Variants in RTTN observed in about 807,000 individuals in gnomAD.
RTTN encodes the protein rotatin.
Under a neutral mutation model 269.2 loss-of-function variants are expected in RTTN, and 182 were observed. The ratio of observed to expected loss-of-function variants is 0.68; its 90% CI spans 0.60 to 0.76. The LOEUF (loss-of-function observed/expected upper bound fraction) is 0.76, where lower values mean the gene tolerates loss of function less well. Among genes scored for constraint, RTTN ranks in the 30% least tolerant of loss-of-function variants. The pLI is 0.00. For synonymous variants in RTTN, 1,006 were observed against 963.5 expected (o/e 1.04, Z -0.82); for missense variants, 2,545 against 2,608.6 (o/e 0.98, Z 0.53).
At chr18:70,153,226 G>A (rs1301017854) in intron 14 of RTTN, among the ~76,000 whole-genome samples, 1 of 150,322 alleles carries the variant, frequency 6.7e-6, no homozygotes. Context: ...TGTATATGCA[G>A]TGTTGTAAAC....
chr18:70,193,960 T>C lies in RTTN; in HGVS notation c.842-507A>G, dbSNP rs534893342. 1.4e-3 allele frequency among the ~76,000 whole-genome samples: 219 copies of C among 152,316 alleles called. 1 individual carries two copies. Among genetic ancestry groups the C allele is most frequent in the African/African-American group, 5.0e-3 (206 of 41,572 alleles). On this transcript the variant is annotated intron_variant, in intron 7 of 48. Coordinates refer to ENST00000640769, the MANE Select transcript of RTTN (RefSeq NM_173630.4). ...TGGACTTCATCAAAATCTAAAACTT[T>C]GGTACACCAAGGGAACATTACAAGA...
At chr18:70,144,344 C>T (rs1033637300) in intron 18 of RTTN, among the ~76,000 whole-genome samples, 15 of 152,258 alleles carry the variant, frequency 9.9e-5, no homozygotes, top group East Asian at 3.9e-4. Flanking sequence ...CTGGTATTCC[C>T]GTGGGCCTCT....
intron 28 of RTTN, 32 bp downstream of exon 28, chr18:70,109,466 G>A (rs777598297): frequency 1.3e-6 from 2 of 1,566,436 alleles, no homozygotes; most frequent in Admixed American, 1.7e-5. Context: ...GCAACTAATA[G>A]TAAATAACTA....
intron 14 of RTTN, 108 bp from the exon 15 acceptor site, chr18:70,150,841 T>A: frequency 1.2e-6 from 1 of 803,346 alleles, no homozygotes; most frequent in Non-Finnish European, 1.9e-6. Flanking sequence ...TTTTACTTCA[T>A]TGAAACTTTT....
At position 70,020,794 on chromosome 18, in the gene RTTN, T is replaced by G; in HGVS notation, c.5974A>C (p.Ser1992Arg). 1 of 1,612,792 alleles carries G rather than the reference T, an allele frequency of 6.2e-7. No individual in the cohort carries two copies. The highest frequency in any genetic ancestry group is 8.5e-7 in the Non-Finnish European group (1 of 1,179,198). ...GCTTGAACAGGGTGTTGTCCACAACTTGACCAACAAAGAGAACTGCAACCT... is the reference window on the plus strand; with the variant it reads ...GCTTGAACAGGGTGTTGTCCACAACGTGACCAACAAAGAGAACTGCAACCT... Reference protein sequence around the residue: ...PNGCSSLCWSSCGQHPVQATH... With the variant: ...PNGCSSLCWSRCGQHPVQATH... Residue 1992 changes from serine (S) to arginine (R), a missense_variant, in exon 45 of 49, where the codon AGT becomes CGT. Ser to Arg is a moderately radical substitution (Grantham distance 110, BLOSUM62 -1). Transcript: ENST00000640769.
At chr18:70,025,982 A>G (rs2056842153) in intron 43 of RTTN, among the ~76,000 whole-genome samples, 1 of 152,182 alleles carries the variant, frequency 6.6e-6, no homozygotes, top group Non-Finnish European at 1.5e-5. Context: ...GTATTCAAGT[A>G]GTTTACGTGT....
intron 4 of RTTN, among the ~76,000 whole-genome samples, chr18:70,201,560 A>T (rs2061948410): frequency 8.3e-6 from 1 of 119,898 alleles, no homozygotes; most frequent in Non-Finnish European, 1.6e-5. Context: ...GTGAGCCGAG[A>T]TCCCACCACT....
chr18:70,150,107 C>T lies in RTTN; in HGVS notation c.2056-20G>A, dbSNP rs1326922925. ...GTTCACCTGCTCAACAACACAGACCCGATAAACCAGTCAAATGAGATGTCC... is the reference window on the plus strand; with the variant it reads ...GTTCACCTGCTCAACAACACAGACCTGATAAACCAGTCAAATGAGATGTCC... On this transcript the variant is annotated intron_variant, in intron 15 of 48. Coordinates refer to ENST00000640769, the MANE Select transcript of RTTN (RefSeq NM_173630.4). 26 of 1,515,488 alleles carry T rather than the reference C, an allele frequency of 1.7e-5. No individual in the cohort carries two copies. The East Asian group carries it at 3.8e-4, about 22-fold the overall frequency. 93.9% of individuals were successfully genotyped at this position (1,515,488 alleles called of 1,614,324 possible). A position where few individuals can be genotyped will look rare whatever the true frequency, so the allele number is the denominator to read the frequency against.
chr18:70,197,848 T>A, intron 5 of RTTN, 110 bp from the exon 6 acceptor site: 2 of 688,046 alleles, frequency 2.9e-6, no homozygotes, highest in Non-Finnish European at 5.1e-6. Context: ...TCAGCTGAGA[T>A]ATCACTTCTC....
intron 48 of RTTN, among the ~76,000 whole-genome samples, chr18:70,004,798 A>G (rs938353894): frequency 5.9e-5 from 9 of 152,220 alleles, no homozygotes; most frequent in Non-Finnish European, 1.5e-5. Context: ...TTGTGACCAC[A>G]TCACAGGGAA....
In RTTN at chr18:70,127,575, ATCTGTC is replaced by A; in HGVS notation, c.3304_3309del (p.Asp1102_Arg1103del). The A allele has an allele frequency of 6.2e-7, 1 of 1,613,538 alleles. No homozygotes were observed. The highest frequency in any genetic ancestry group is 8.5e-7 in the Non-Finnish European group (1 of 1,179,716). Reference sequence around the variant, plus strand: ...GGACCAGGGCAACCCTTTAAAGACAATCTGTCATTCAGAAGATAAAAACTCATCCTG... The same window carrying A: ...GGACCAGGGCAACCCTTTAAAGACAAATTCAGAAGATAAAAACTCATCCTG... On this transcript the variant is annotated inframe_deletion, in exon 25 of 49. Transcript: ENST00000640769.
chr18:70,161,589 G>C (rs1302451443), intron 14 of RTTN, among the ~76,000 whole-genome samples: 2 of 152,088 alleles, frequency 1.3e-5, no homozygotes, highest in Non-Finnish European at 1.5e-5. Context: ...GAAAATATTT[G>C]CAAACTATGC....
intron 34 of RTTN, 120 bp from the exon 35 acceptor site, chr18:70,066,042 A>T (rs1410112652): frequency 1.9e-6 from 1 of 519,728 alleles, no homozygotes; most frequent in Non-Finnish European, 3.3e-6. Flanking sequence ...ACTAGTTAGG[A>T]TAACTAGAAA....
intron 20 of RTTN, 144 bp downstream of exon 20, chr18:70,139,955 AT>A (rs2060215409): frequency 1.1e-4 from 73 of 684,436 alleles, no homozygotes; most frequent in Non-Finnish European, 1.2e-4. Flanking sequence ...CACTTTTCGA[AT>A]TTAAAAAAAA....
At chr18:70,156,777 G>A (rs2060690110) in intron 14 of RTTN, among the ~76,000 whole-genome samples, 3 of 152,076 alleles carry the variant, frequency 2.0e-5, no homozygotes, top group Admixed American at 2.0e-4. Context: ...TGACTATTGG[G>A]GCAGGTTCCC....
At chr18:70,066,618 C>T (rs1189146648) in intron 34 of RTTN, among the ~76,000 whole-genome samples, 1 of 152,150 alleles carries the variant, frequency 6.6e-6, no homozygotes, top group Non-Finnish European at 1.5e-5. Context: ...AACTCTTTTC[C>T]TTACCATCAA....
chr18:70,093,343 T>A (rs1320009833), intron 28 of RTTN, among the ~76,000 whole-genome samples: 1 of 152,154 alleles, frequency 6.6e-6, no homozygotes, highest in Non-Finnish European at 1.5e-5. Context: ...AAAAATGTTA[T>A]AGCATCCTTT....
At chr18:70,105,980 C>CA (rs1419197545) in intron 28 of RTTN, among the ~76,000 whole-genome samples, 6 of 152,138 alleles carry the variant, frequency 3.9e-5, no homozygotes, top group African/African-American at 1.4e-4. Context: ...TAGGTCAATG[C>CA]AGTAGCCATG....
intron 37 of RTTN, among the ~76,000 whole-genome samples, chr18:70,056,596 G>C (rs2057823693): frequency 6.6e-6 from 1 of 152,182 alleles, no homozygotes; most frequent in Admixed American, 6.5e-5. Flanking sequence ...TCATGGAGCT[G>C]ACTGTGCCCC....
Sources: gnomAD v4.1 joint callset for allele counts (sites outside exome capture counted in the v4.1 genomes callset) on GRCh38, gnomAD v4.1.1 for gene constraint, MANE v1.5 for transcripts, NCBI Gene and HGNC (gene_info 2026-07-23, HGNC 2026-07-21) for gene names.